Variants in TRPC4AP observed in about 807,000 individuals in gnomAD.
The protein encoded by TRPC4AP is transient receptor potential cation channel subfamily C member 4 associated protein.
Under a neutral mutation model 99.0 loss-of-function variants are expected in TRPC4AP, and 45 were observed. That is an observed-to-expected ratio of 0.45 (90% CI 0.36 to 0.58). The LOEUF (loss-of-function observed/expected upper bound fraction) is 0.58. Ranked by LOEUF, TRPC4AP falls within the 20% of genes least tolerant of loss-of-function variation. The pLI is 0.00. For synonymous variants in TRPC4AP, 408 were observed against 385.8 expected (o/e 1.06, Z -0.67); for missense variants, 879 against 985.3 (o/e 0.89, Z 1.44).
At chr20:35,042,901 C>T (rs916415101) in intron 7 of TRPC4AP, among the ~76,000 whole-genome samples, 4 of 152,180 alleles carry the variant, frequency 2.6e-5, no homozygotes, top group African/African-American at 9.7e-5. Context: ...GAGTCCCACT[C>T]CCACTGCTAC....
chr20:35,047,180 ATGTTT>A (rs2083578624), intron 6 of TRPC4AP, among the ~76,000 whole-genome samples: 2 of 151,150 alleles, frequency 1.3e-5, no homozygotes, highest in African/African-American at 4.9e-5. Context: ...TTTACTTCTT[ATGTTT>A]TAATTTTTGA....
chr20:35,029,273 C>T (rs1354636300), intron 8 of TRPC4AP, among the ~76,000 whole-genome samples: 3 of 152,156 alleles, frequency 2.0e-5, no homozygotes, highest in Admixed American at 6.5e-5. Context: ...AGTACAGCCT[C>T]TCCAGCTTTC....
chr20:35,083,318 G>C (rs1360006281), intron 1 of TRPC4AP, among the ~76,000 whole-genome samples: 1 of 151,926 alleles, frequency 6.6e-6, no homozygotes, highest in African/African-American at 2.4e-5. Flanking sequence ...ACACACTCTT[G>C]GCTGGGCACA....
chr20:35,024,854 A>AAAAAAACAAACAT (rs1479270980), intron 8 of TRPC4AP, among the ~76,000 whole-genome samples: 2 of 89,480 alleles, frequency 2.2e-5, no homozygotes, highest in Non-Finnish European at 4.6e-5. Context: ...AAAAAAAAAA[A>AAAAAAACAAACAT]ATTCTGTTTA....
chr20:35,055,042 A>G lies in TRPC4AP; in HGVS notation c.473-11T>C, dbSNP rs752594062. Reference sequence around the variant, plus strand: ...ACATTTCATCACTTACTGAAAGTGAAAGGGTAATGACTGGTTATTTTTCTC... The same window carrying G: ...ACATTTCATCACTTACTGAAAGTGAGAGGGTAATGACTGGTTATTTTTCTC... On this transcript the variant is annotated splice_polypyrimidine_tract_variant and intron_variant, in intron 4 of 18. Coordinates refer to ENST00000252015, the MANE Select transcript of TRPC4AP (RefSeq NM_015638.3). 3 of 1,611,560 alleles carry G rather than the reference A, an allele frequency of 1.9e-6. No individual in the cohort carries two copies. In the East Asian group the frequency reaches 6.7e-5, roughly 36 times the overall value.
intron 1 of TRPC4AP, among the ~76,000 whole-genome samples, chr20:35,080,775 C>T (rs941858112): frequency 4.1e-5 from 6 of 146,030 alleles, no homozygotes; most frequent in Non-Finnish European, 5.9e-5. Flanking sequence ...TTTGTGCATA[C>T]AGTAAAAACC....
rs59685764 is a variant in TRPC4AP at position 35,051,069 on chromosome 20, CAT to C, written c.529-1077_529-1076del. 4.7e-3 allele frequency among the ~76,000 whole-genome samples: 653 copies of C among 138,168 alleles called. 3 individuals carry two copies. Among genetic ancestry groups the C allele is most frequent in the African/African-American group, 0.015 (576 of 38,228 alleles). The allele number at this position is 138,168 out of a possible 152,430, so 90.6% of individuals were successfully genotyped here. ...ACACACACACACACACACACACACA[CAT>C]ATATATCCCACCCCTACTGCCTTAA... On this transcript the variant is annotated intron_variant, in intron 5 of 18. Transcript: ENST00000252015.
intron 5 of TRPC4AP, among the ~76,000 whole-genome samples, chr20:35,052,558 C>T (rs538124151): frequency 1.3e-5 from 2 of 152,210 alleles, no homozygotes; most frequent in Admixed American, 6.5e-5. Context: ...TGCAGTGGTG[C>T]AATCTCAGCT....
Position 35,058,294 on chromosome 20 carries a change from C to T in TRPC4AP, c.415-723G>A, listed in dbSNP as rs533780897. 5.3e-5 allele frequency among the ~76,000 whole-genome samples: 8 copies of T among 152,302 alleles called. No homozygotes were observed. The South Asian group carries it at 1.2e-3, about 24-fold the overall frequency. Reference sequence around the variant, plus strand: ...AAAGAAATAGAAGACTTGAACACAACGAACACATATATTCTAACAGACATC... The same window carrying T: ...AAAGAAATAGAAGACTTGAACACAATGAACACATATATTCTAACAGACATC... On this transcript the variant is annotated intron_variant, in intron 3 of 18. Transcript: ENST00000252015.
Position 35,006,469 on chromosome 20 carries a change from T to C in TRPC4AP, c.1793A>G (p.Lys598Arg). Residue 598 changes from lysine to arginine, a missense_variant, in exon 15 of 19, where the codon AAG becomes AGG. Coordinates refer to ENST00000252015, the MANE Select transcript of TRPC4AP (RefSeq NM_015638.3). ...ELMKFNVDAF[K>R]RFNKYINTDA... Reference sequence around the variant, plus strand: ...GGTGTTGATATATTTATTGAATCTCTTGAATGCATCAACGTTGAACTTCAT... The same window carrying C: ...GGTGTTGATATATTTATTGAATCTCCTGAATGCATCAACGTTGAACTTCAT... The C allele has an allele frequency of 3.7e-6, 6 of 1,614,242 alleles. No individual in the cohort carries two copies. Among genetic ancestry groups the C allele is most frequent in the Non-Finnish European group, 5.1e-6 (6 of 1,180,042 alleles).
intron 8 of TRPC4AP, among the ~76,000 whole-genome samples, chr20:35,031,940 C>T (rs2083205619): frequency 6.6e-6 from 1 of 152,160 alleles, no homozygotes; most frequent in Non-Finnish European, 1.5e-5. Context: ...CACCCAGGCG[C>T]AACTGCAGTG....
At chr20:35,029,048 G>A (rs2083101329) in intron 8 of TRPC4AP, among the ~76,000 whole-genome samples, 1 of 152,106 alleles carries the variant, frequency 6.6e-6, no homozygotes, top group Non-Finnish European at 1.5e-5. Flanking sequence ...GGCCATCTGA[G>A]ACCAACCTGG....
At chr20:35,090,464 C>T (rs1290420637) in intron 1 of TRPC4AP, among the ~76,000 whole-genome samples, 3 of 148,122 alleles carry the variant, frequency 2.0e-5, no homozygotes, top group African/African-American at 7.5e-5. Flanking sequence ...ACCTCCACCT[C>T]CCAGGTTCAA....
At position 35,024,825 on chromosome 20, in the gene TRPC4AP, C is replaced by CCAAAAAAAAAAAAAAA. The variant is rs1555904985; in HGVS notation, c.1052-3470_1052-3469insTTTTTTTTTTTTTTTG. Among the ~76,000 whole-genome samples, 77 of 35,844 alleles carry CCAAAAAAAAAAAAAAA rather than the reference C, an allele frequency of 2.1e-3. 17 individuals are homozygous for CCAAAAAAAAAAAAAAA. Among genetic ancestry groups the CCAAAAAAAAAAAAAAA allele is most frequent in the East Asian group, 5.8e-3 (6 of 1,042 alleles). 23.5% of individuals were successfully genotyped at this position (35,844 alleles called of 152,430 possible). The stretch of plus-strand genomic sequence containing the variant: ...CCTAGGTGACAGAGAGAGACCGTCT[C>CCAAAAAAAAAAAAAAA]AAAAAAAAAAAAAAAAAAAAAAAAA... On this transcript the variant is annotated intron_variant, in intron 8 of 18. Transcript: ENST00000252015.
intron 9 of TRPC4AP, 76 bp from the exon 10 acceptor site, chr20:35,016,215 C>G: frequency 6.5e-7 from 1 of 1,548,670 alleles, no homozygotes; most frequent in Non-Finnish European, 8.9e-7. Context: ...GCTCAGTACA[C>G]ACGATAATGA....
intron 2 of TRPC4AP, among the ~76,000 whole-genome samples, chr20:35,077,207 G>A (rs894131685): frequency 7.2e-5 from 11 of 152,108 alleles, no homozygotes; most frequent in African/African-American, 1.2e-4. Context: ...CACCCCTTGC[G>A]ACTCCCAGGT....
At chr20:35,042,824 GTTTTGT>G (rs767353009) in intron 7 of TRPC4AP, among the ~76,000 whole-genome samples, 6 of 152,104 alleles carry the variant, frequency 3.9e-5, no homozygotes, top group Non-Finnish European at 5.9e-5. Flanking sequence ...TTAGAATAGT[GTTTTGT>G]TTTTAAGTAA....
chr20:35,077,117 G>A (rs886894507), intron 2 of TRPC4AP, among the ~76,000 whole-genome samples: 5 of 152,174 alleles, frequency 3.3e-5, no homozygotes, highest in African/African-American at 9.7e-5. Flanking sequence ...TTGGAAAAGT[G>A]CAGTTATTAG....
chr20:35,012,650 C>G (rs919537534), intron 11 of TRPC4AP, among the ~76,000 whole-genome samples: 1 of 152,236 alleles, frequency 6.6e-6, no homozygotes, highest in Non-Finnish European at 1.5e-5. Flanking sequence ...TCGGCTTTGC[C>G]TGTCTGAAGT....
Sources: gnomAD v4.1 joint callset for allele counts (sites outside exome capture counted in the v4.1 genomes callset) on GRCh38, gnomAD v4.1.1 for gene constraint, MANE v1.5 for transcripts, NCBI Gene and HGNC (gene_info 2026-07-23, HGNC 2026-07-21) for gene names.